USP42: variants seen among roughly 807,000 people sequenced by gnomAD.
USP42 encodes the protein ubiquitin carboxyl-terminal hydrolase 42.
A neutral mutation model predicts 113.0 loss-of-function variants in USP42; 23 were observed. The observed-to-expected ratio is 0.20, with a 90% CI of 0.15 to 0.29. USP42 has a LOEUF of 0.29. USP42 is among the 10% of genes least tolerant of loss of function. USP42 has a pLI of 1.00. For missense variants in USP42, 2,174 were observed against 1,779.8 expected (o/e 1.22, Z -3.99); for synonymous variants, 933 against 699.0 (o/e 1.33, Z -5.28).
the USP42 span, among the ~76,000 whole-genome samples, chr7:6,092,021 TTC>T: frequency 1.7e-3 from 179 of 108,332 alleles, 1 homozygote; most frequent in African/African-American, 5.8e-3. Context: ...CTTCTTCTTC[TTC>T]TTCTTCTTCT....
chr7:6,081,494 T>A, the USP42 span, among the ~76,000 whole-genome samples: 1 of 152,112 alleles, frequency 6.6e-6, no homozygotes, highest in South Asian at 2.1e-4. Context: ...GCCATTGCCG[T>A]CCACCCCGGA....
chr7:6,109,432 T>A (rs768123349), intron 1 of USP42, among the ~76,000 whole-genome samples: 42 of 152,166 alleles, frequency 2.8e-4, no homozygotes, highest in Admixed American at 6.5e-4. Context: ...AGTCTCTCTA[T>A]GTCAGTCTGG....
At chr7:6,116,956 C>A (rs1281087984) in intron 3 of USP42, 1 of 465,720 alleles carries the variant, frequency 2.1e-6, no homozygotes, top group Non-Finnish European at 4.3e-6. Flanking sequence ...ATCTTTTATG[C>A]TACTGGTAGT....
the USP42 span, among the ~76,000 whole-genome samples, chr7:6,086,871 G>C: frequency 6.7e-6 from 1 of 150,020 alleles, no homozygotes; most frequent in South Asian, 2.1e-4. Context: ...AATTACAGGC[G>C]TCTGCCACCA....
At chr7:6,148,865 C>T (rs746382464) in intron 12 of USP42, among the ~76,000 whole-genome samples, 1 of 152,214 alleles carries the variant, frequency 6.6e-6, no homozygotes, top group Non-Finnish European at 1.5e-5. Flanking sequence ...GACATCAGGA[C>T]TCTGGCAAAC....
chr7:6,144,410 C>G (rs1781591141), intron 9 of USP42, among the ~76,000 whole-genome samples: 1 of 152,172 alleles, frequency 6.6e-6, no homozygotes. Context: ...GGACTTCCTG[C>G]TAGACTTTGC....
chr7:6,152,592 C>A (rs767902955), intron 14 of USP42, among the ~76,000 whole-genome samples: 16 of 152,152 alleles, frequency 1.1e-4, no homozygotes, highest in Non-Finnish European at 1.9e-4. Flanking sequence ...AGGGAACACT[C>A]ATTCCCAACC....
intron 3 of USP42, among the ~76,000 whole-genome samples, chr7:6,133,653 G>T (rs113716991): frequency 8.2e-4 from 124 of 151,966 alleles, no homozygotes; most frequent in African/African-American, 2.8e-3. Context: ...TGGAGTAGCT[G>T]AGACTACAAG....
chr7:6,085,893 G>A, the USP42 span, among the ~76,000 whole-genome samples: 16 of 151,128 alleles, frequency 1.1e-4, no homozygotes, highest in South Asian at 2.1e-4. Context: ...GATTACAGGC[G>A]TGAGCCACCG....
In USP42 at chr7:6,158,649, C is replaced by T. The variant is rs755616366; in HGVS notation, c.3944-801C>T. Among the ~76,000 whole-genome samples, 5 of 152,194 alleles carry T rather than the reference C, an allele frequency of 3.3e-5. No homozygotes were observed. Among genetic ancestry groups the T allele is most frequent in the Non-Finnish European group, 5.9e-5 (4 of 68,030 alleles). On this transcript the variant is annotated intron_variant, in intron 16 of 17. Transcript: ENST00000306177. This position sits in a 1 kb window ranked among gnomAD's most constrained non-coding sequence, Gnocchi z 4.2. The stretch of plus-strand genomic sequence containing the variant: ...AGATGAGGACAGGCACCAGCACTGC[C>T]GGTGAGGACGGGTTGCCTGCGGGCC...
At chr7:6,104,413 G>C (rs914247663), upstream of USP42, among the ~76,000 whole-genome samples, 1 of 152,200 alleles carries the variant, frequency 6.6e-6, no homozygotes, top group East Asian at 1.9e-4. Flanking sequence ...AAAAATAAAG[G>C]CTGCGTCCGC....
chr7:6,097,649 G>C, the USP42 span, among the ~76,000 whole-genome samples: 1 of 149,524 alleles, frequency 6.7e-6, no homozygotes, highest in Non-Finnish European at 1.5e-5. Context: ...GGAGTGCAGT[G>C]GCACAATCTC....
Position 6,156,705 on chromosome 7 carries a change from T to C in USP42, c.3642-49T>C, listed in dbSNP as rs183323569. 1.6e-5 allele frequency: 24 copies of C among 1,490,908 alleles called. No homozygotes were observed. The East Asian group carries it at 4.7e-4, about 29-fold the overall frequency. The allele number at this position is 1,490,908 out of a possible 1,614,324, so 92.4% of individuals were successfully genotyped here. ...AAGGCCAAGCTCCAGGGTCTGCTGC[T>C]GGTGGTTTTGTGTTTTAGGGTTTTG... On this transcript the variant is annotated intron_variant, in intron 15 of 17. Transcript: ENST00000306177.
At chr7:6,142,903 T>G in intron 7 of USP42, 29 bp from the exon 8 acceptor site, 2 of 1,606,092 alleles carry the variant, frequency 1.2e-6, no homozygotes, top group Non-Finnish European at 1.7e-6. Context: ...TGTGCGGTGA[T>G]GTGGTGTTTG....
intron 3 of USP42, among the ~76,000 whole-genome samples, chr7:6,133,126 G>A (rs1245197018): frequency 6.6e-6 from 1 of 152,156 alleles, no homozygotes; most frequent in Non-Finnish European, 1.5e-5. Flanking sequence ...ACAACTTTCA[G>A]TGACTTTTGA....
At chr7:6,144,280 C>G in intron 9 of USP42, 84 bp downstream of exon 9, 1 of 893,212 alleles carries the variant, frequency 1.1e-6, no homozygotes, top group Non-Finnish European at 1.7e-6. Context: ...ATTAAGGACT[C>G]GACTTTCTCA....
In USP42 at chr7:6,154,696, A is replaced by G. The variant is rs529510326; in HGVS notation, c.3142A>G (p.Lys1048Glu). ...GGGCGAGCGTGGCTGGGGCCGGGAG[A>G]AGTTCTACCCCGACAGGCCGCGCTG... is the stretch of plus-strand genomic sequence containing the variant. ...TEGERGWGRE[K>E]FYPDRPRWDR... The change falls in exon 15 of 18, where the codon AAG becomes GAG. Residue 1048 changes from lysine to glutamate, a missense_variant. Lys to Glu is a moderately conservative substitution (Grantham distance 56). Coordinates refer to ENST00000306177, the MANE Select transcript of USP42 (RefSeq NM_032172.3). The G allele has an allele frequency of 3.9e-5, 63 of 1,602,908 alleles. 1 individual carries two copies. The South Asian group carries it at 6.3e-4, about 16-fold the overall frequency.
chr7:6,152,915 G>A (rs969218347), intron 14 of USP42: 6 of 985,344 alleles, frequency 6.1e-6, no homozygotes, highest in Non-Finnish European at 7.2e-6. Flanking sequence ...GAGTCGAGAG[G>A]AAAGGAGGAG....
intron 3 of USP42, among the ~76,000 whole-genome samples, chr7:6,124,308 C>T (rs986236867): frequency 6.6e-6 from 1 of 152,128 alleles, no homozygotes; most frequent in African/African-American, 2.4e-5. Flanking sequence ...CGCTCTGTCA[C>T]CCAGGCTGGA....
Sources: gnomAD v4.1 joint callset for allele counts (sites outside exome capture counted in the v4.1 genomes callset) on GRCh38, gnomAD v4.1.1 for gene constraint, Gnocchi (gnomAD v3.1) non-coding constraint, MANE v1.5 for transcripts, NCBI Gene and HGNC (gene_info 2026-07-23, HGNC 2026-07-21) for gene names.